GALNT17: variants seen among roughly 807,000 people sequenced by gnomAD.
GALNT17 encodes UDP-GalNAc:polypeptide N-acetylgalactosaminyltransferase-like 3.
GALNT17 carries 29 observed loss-of-function variants against 63.7 expected under a neutral mutation model. That is an observed-to-expected ratio of 0.46 (90% CI 0.34 to 0.62). The LOEUF (loss-of-function observed/expected upper bound fraction) is 0.62, where lower values mean the gene tolerates loss of function less well. Ranked by LOEUF, GALNT17 falls within the 20% of genes least tolerant of loss-of-function variation. The pLI is 0.01. For missense variants in GALNT17, 603 were observed against 799.6 expected, an observed-to-expected ratio of 0.75 and a Z score of 2.97; for synonymous variants, 305 against 318.3, an observed-to-expected ratio of 0.96 and a Z score of 0.45.
chr7:71,308,538 T>G (rs1791351340), intron 1 of GALNT17, among the ~76,000 whole-genome samples: 1 of 152,072 alleles, frequency 6.6e-6, no homozygotes, highest in African/African-American at 2.4e-5. Context: ...TTCAGCATCC[T>G]CTCTTTGTTA....
intron 5 of GALNT17, among the ~76,000 whole-genome samples, chr7:71,474,853 A>AT (rs1196686210): frequency 6.6e-6 from 1 of 152,120 alleles, no homozygotes; most frequent in Non-Finnish European, 1.5e-5. Context: ...CAGTCTCCAG[A>AT]TGGGGAGATT....
At chr7:71,492,930 C>A (rs1184393479) in intron 5 of GALNT17, among the ~76,000 whole-genome samples, 1 of 152,314 alleles carries the variant, frequency 6.6e-6, no homozygotes, top group African/African-American at 2.4e-5. Context: ...ATTTAGCATT[C>A]TTTAATTCAC....
intron 1 of GALNT17, among the ~76,000 whole-genome samples, chr7:71,243,331 TC>T (rs771336242): frequency 4.6e-5 from 7 of 152,168 alleles, no homozygotes; most frequent in African/African-American, 1.2e-4. Context: ...TAATTAAACC[TC>T]TTTTCTTTAT....
chr7:71,640,889 T>G (rs1790594341), intron 6 of GALNT17, among the ~76,000 whole-genome samples: 1 of 151,238 alleles, frequency 6.6e-6, no homozygotes. Flanking sequence ...CGAGAAGGGA[T>G]CCACAGTTTT....
At chr7:71,503,246 A>G (rs1459168159) in intron 5 of GALNT17, among the ~76,000 whole-genome samples, 1 of 152,082 alleles carries the variant, frequency 6.6e-6, no homozygotes, top group African/African-American at 2.4e-5. Context: ...GTCATAATTT[A>G]CATCACTTTT....
intron 5 of GALNT17, among the ~76,000 whole-genome samples, chr7:71,491,603 CG>C (rs1433994032): frequency 2.0e-5 from 3 of 152,236 alleles, no homozygotes; most frequent in Non-Finnish European, 4.4e-5. Flanking sequence ...GTGGCCTTAG[CG>C]GCAGACTCCA....
intron 1 of GALNT17, among the ~76,000 whole-genome samples, chr7:71,268,418 G>A (rs905387024): frequency 6.6e-6 from 1 of 151,556 alleles, no homozygotes; most frequent in African/African-American, 2.4e-5. Flanking sequence ...CAGGTGTGGT[G>A]GCATGTTCCT....
intron 6 of GALNT17, 40 bp from the exon 7 acceptor site, chr7:71,665,371 G>A: frequency 6.4e-7 from 1 of 1,572,168 alleles, no homozygotes; most frequent in Non-Finnish European, 8.6e-7. Context: ...TAGCCTCTGG[G>A]AATTTCTTTT....
In GALNT17 at chr7:71,552,010, T is replaced by TTTTATTTATTA. The variant is rs772013715; in HGVS notation, c.963-19265_963-19264insATTTATTTATT. Among the ~76,000 whole-genome samples, 164 of 128,318 alleles carry TTTTATTTATTA rather than the reference T, an allele frequency of 1.3e-3. No individual in the cohort carries two copies. The South Asian group carries it at 0.015, about 12-fold the overall frequency. The allele number at this position is 128,318 out of a possible 152,430, so 84.2% of individuals were successfully genotyped here. On this transcript the variant is annotated intron_variant, in intron 5 of 10. Transcript: ENST00000333538. ...GCCAGGTTGACTTTCAGGTTGCTCT[T>TTTTATTTATTA]TTTATTTATTTATTTATTTATTTAT...
At chr7:71,162,223 C>T (rs1393370055) in intron 1 of GALNT17, among the ~76,000 whole-genome samples, 2 of 149,560 alleles carry the variant, frequency 1.3e-5, no homozygotes, top group African/African-American at 2.5e-5. Flanking sequence ...TTCTTACTTT[C>T]GTTATTCTTT....
At chr7:71,201,413 C>T (rs1298076721) in intron 1 of GALNT17, among the ~76,000 whole-genome samples, 1 of 151,610 alleles carries the variant, frequency 6.6e-6, no homozygotes, top group Non-Finnish European at 1.5e-5. Context: ...TATCTTTGCT[C>T]TGATTCTCTT....
chr7:71,298,464 G>A (rs1473377192), intron 1 of GALNT17, among the ~76,000 whole-genome samples: 1 of 151,936 alleles, frequency 6.6e-6, no homozygotes, highest in African/African-American at 2.4e-5. Context: ...TTTTTAAAAC[G>A]CAGGACTGAA....
chr7:71,408,001 A>G (rs1032909155), intron 3 of GALNT17, among the ~76,000 whole-genome samples: 2 of 152,190 alleles, frequency 1.3e-5, no homozygotes, highest in African/African-American at 2.4e-5. Flanking sequence ...GTTGCACAAC[A>G]TTGCGAATGT....
intron 1 of GALNT17, among the ~76,000 whole-genome samples, chr7:71,141,840 CTGTG>C (rs34121771): frequency 0.16 from 20,364 of 124,542 alleles, 1,197 homozygotes; most frequent in Non-Finnish European, 0.19. Context: ...CCACGTCTGG[CTGTG>C]TGTGTGTGTG....
At position 71,289,912 on chromosome 7, in the gene GALNT17, G is replaced by T. The variant is rs963940702; in HGVS notation, c.239-45638G>T. ...AAAAAAAAAAAAGCCAGATGTGGTG[G>T]CACGCACCTGTAGTCCCAGCTATTC... On this transcript the variant is annotated intron_variant, in intron 1 of 10. Coordinates refer to ENST00000333538, the MANE Select transcript of GALNT17 (RefSeq NM_022479.3). Among the ~76,000 whole-genome samples, 57 of 151,110 alleles carry T rather than the reference G, an allele frequency of 3.8e-4. 1 individual carries two copies.
chr7:71,401,063 T>C (rs1007832178), intron 3 of GALNT17, among the ~76,000 whole-genome samples: 3 of 152,220 alleles, frequency 2.0e-5, no homozygotes, highest in African/African-American at 7.2e-5. Flanking sequence ...GTTTTTACAA[T>C]TAGTGTCCTC....
At chr7:71,261,597 G>A (rs1790386384) in intron 1 of GALNT17, among the ~76,000 whole-genome samples, 1 of 152,292 alleles carries the variant, frequency 6.6e-6, no homozygotes, top group South Asian at 2.1e-4. Flanking sequence ...AGAGGAGGAA[G>A]CTCCTTCCTC....
intron 5 of GALNT17, among the ~76,000 whole-genome samples, chr7:71,557,331 C>T (rs1185393175): frequency 1.3e-5 from 2 of 152,160 alleles, no homozygotes; most frequent in African/African-American, 4.8e-5. Flanking sequence ...GTCAGTGTTG[C>T]TAGCCTGATG....
chr7:71,290,271 G>T (rs978711274), intron 1 of GALNT17, among the ~76,000 whole-genome samples: 1 of 152,182 alleles, frequency 6.6e-6, no homozygotes, highest in African/African-American at 2.4e-5. Flanking sequence ...ACATGTGTGT[G>T]AATGTGTGTG....
Sources: allele counts gnomAD v4.1 joint callset (sites outside exome capture counted in the v4.1 genomes callset), GRCh38; gene constraint gnomAD v4.1.1; transcripts MANE v1.5; gene names NCBI Gene and HGNC (gene_info 2026-07-23, HGNC 2026-07-21).